Variants in HMGXB4 observed in about 807,000 individuals in gnomAD.
HMGXB4 encodes the protein HMG-box containing 4.
HMGXB4 carries 27 observed loss-of-function variants against 63.9 expected under a neutral mutation model. That is an observed-to-expected ratio of 0.42 (90% CI 0.31 to 0.58). HMGXB4 has a LOEUF of 0.58. Ranked by LOEUF, HMGXB4 falls within the 20% of genes least tolerant of loss-of-function variation. The pLI is 0.13. For missense variants in HMGXB4, 624 were observed against 700.7 expected (o/e 0.89, Z 1.24); for synonymous variants, 264 against 265.3 (o/e 0.99, Z 0.05).
At chr22:35,282,327 C>T (rs1363446072) in intron 5 of HMGXB4, among the ~76,000 whole-genome samples, 1 of 152,170 alleles carries the variant, frequency 6.6e-6, no homozygotes, top group Non-Finnish European at 1.5e-5. Context: ...CAGGCGCCCA[C>T]CACCATGCCC....
chr22:35,260,461 G>A (rs1235050784), intron 1 of HMGXB4, among the ~76,000 whole-genome samples: 1 of 152,216 alleles, frequency 6.6e-6, no homozygotes, highest in African/African-American at 2.4e-5. Flanking sequence ...GGTGGAAAGG[G>A]GAGGACAGTA....
In HMGXB4 at chr22:35,263,097, T is replaced by TA. The variant is rs1922965604; in HGVS notation, c.52dup (p.Thr18AsnfsTer3). 1 of 1,613,784 alleles carries TA rather than the reference T, an allele frequency of 6.2e-7. No homozygotes were observed. The highest frequency in any genetic ancestry group is 8.5e-7 in the Non-Finnish European group (1 of 1,179,928). ...TCTCAGATTGTTTTGATGGTGATCA[T>TA]ACCTTTGAGGACATAGGACTTGCAG... On this transcript the variant is annotated frameshift_variant, in exon 3 of 11. Coordinates refer to ENST00000216106, the MANE Select transcript of HMGXB4 (RefSeq NM_001003681.3). LOFTEE classifies it high-confidence loss of function.
At chr22:35,292,743 T>A (rs1019216185) in intron 9 of HMGXB4, among the ~76,000 whole-genome samples, 1 of 152,212 alleles carries the variant, frequency 6.6e-6, no homozygotes, top group African/African-American at 2.4e-5. Context: ...GTTAAGGATG[T>A]GAACTCCCCA....
At chr22:35,270,228 C>T (rs918402781) in intron 5 of HMGXB4, among the ~76,000 whole-genome samples, 1 of 152,150 alleles carries the variant, frequency 6.6e-6, no homozygotes, top group Non-Finnish European at 1.5e-5. Context: ...ACTGCCTGAG[C>T]TCCACCTCCT....
At chr22:35,283,418 G>A (rs2038010) in intron 5 of HMGXB4, among the ~76,000 whole-genome samples, 81,854 of 152,052 alleles carry the variant, frequency 0.54, 23,920 homozygotes, top group Non-Finnish European at 0.65. Flanking sequence ...GTCTTTACAA[G>A]TAATTTAGCA....
At position 35,261,351 on chromosome 22, in the gene HMGXB4, G is replaced by A. The variant is rs961569467; in HGVS notation, c.-68-972G>A. Among the ~76,000 whole-genome samples the A allele has an allele frequency of 4.6e-5, 7 of 151,060 alleles. No homozygotes were observed. The East Asian group carries it at 7.8e-4, about 17-fold the overall frequency. ...CTCGGGAGGCTGAGGCAGGAGAATC[G>A]CTTGAACCCGGGAGGCGGAGGTTGC... On this transcript the variant is annotated intron_variant, in intron 1 of 10. Transcript: ENST00000216106.
chr22:35,245,046 G>A, the HMGXB4 span, among the ~76,000 whole-genome samples: 1 of 152,080 alleles, frequency 6.6e-6, no homozygotes, highest in Non-Finnish European at 1.5e-5. Context: ...CTAACTTTTT[G>A]TATTTTTAGT....
chr22:35,244,139 C>T, the HMGXB4 span, among the ~76,000 whole-genome samples: 25 of 152,220 alleles, frequency 1.6e-4, no homozygotes, highest in East Asian at 4.6e-3. Context: ...TCTTCATATA[C>T]TTTTCCAGCC....
intron 1 of HMGXB4, among the ~76,000 whole-genome samples, chr22:35,259,056 T>A (rs979131976): frequency 6.6e-6 from 1 of 152,276 alleles, no homozygotes; most frequent in Non-Finnish European, 1.5e-5. Flanking sequence ...TTTTTCCTCC[T>A]GATTACTTTG....
chr22:35,273,773 A>G (rs934930804), intron 5 of HMGXB4, among the ~76,000 whole-genome samples: 1 of 152,210 alleles, frequency 6.6e-6, no homozygotes, highest in Non-Finnish European at 1.5e-5. Context: ...CTAAGGAGCA[A>G]AAGCAGATGT....
At chr22:35,264,069 A>G in intron 4 of HMGXB4, 195 bp downstream of exon 4, 1 of 1,542,878 alleles carries the variant, frequency 6.5e-7, no homozygotes, top group Non-Finnish European at 8.7e-7. Flanking sequence ...TCAGCATAGA[A>G]GAACAGTCTG....
At chr22:35,278,545 A>G (rs1200936270) in intron 5 of HMGXB4, among the ~76,000 whole-genome samples, 1 of 152,194 alleles carries the variant, frequency 6.6e-6, no homozygotes, top group Admixed American at 6.5e-5. Flanking sequence ...TGAAAGAATG[A>G]GTGACTGAAT....
At chr22:35,274,436 G>A (rs1395058940) in intron 5 of HMGXB4, among the ~76,000 whole-genome samples, 1 of 152,230 alleles carries the variant, frequency 6.6e-6, no homozygotes, top group Non-Finnish European at 1.5e-5. Context: ...GGAGAACTGA[G>A]TAGGAATTGG....
intron 5 of HMGXB4, among the ~76,000 whole-genome samples, chr22:35,270,271 G>A (rs1021574559): frequency 1.3e-5 from 2 of 152,110 alleles, no homozygotes; most frequent in Non-Finnish European, 2.9e-5. Flanking sequence ...ATTCTCATAG[G>A]AGCACAAACC....
chr22:35,271,080 C>T (rs1184436462), intron 5 of HMGXB4, among the ~76,000 whole-genome samples: 1 of 151,726 alleles, frequency 6.6e-6, no homozygotes, highest in African/African-American at 2.4e-5. Flanking sequence ...GGTGATACAG[C>T]AAGACTCTAC....
Position 35,284,015 on chromosome 22 carries a change from G to T in HMGXB4, c.1269G>T (p.Val423=), listed in dbSNP as rs1437894763. The part of the protein sequence containing the change: ...AYQVFCKEYR[V]TIVADHPGID... ...AGGTGTTCTGTAAAGAGTATCGCGT[G>T]ACCATTGTGGCTGACCATCCAGGTA... is the stretch of plus-strand genomic sequence containing the variant. Residue 423 remains valine, a synonymous_variant, in exon 6 of 11, where the codon GTG becomes GTT. Transcript: ENST00000216106. 35 of 1,613,946 alleles carry T rather than the reference G, an allele frequency of 2.2e-5. No homozygotes were observed. The highest frequency in any genetic ancestry group is 3.0e-5 in the Non-Finnish European group (35 of 1,179,914).
chr22:35,293,562 C>G, intron 10 of HMGXB4, 45 bp from the exon 11 acceptor site: 2 of 1,362,552 alleles, frequency 1.5e-6, no homozygotes, highest in Non-Finnish European at 2.1e-6. Flanking sequence ...CTCAGGAAAC[C>G]AAGGTACAGT....
chr22:35,243,374 GAAAAT>G, the HMGXB4 span, among the ~76,000 whole-genome samples: 1 of 151,954 alleles, frequency 6.6e-6, no homozygotes. Context: ...CAGTCTAAAA[GAAAAT>G]AAAAAAGAAA....
At chr22:35,254,206 T>G (rs1272864048), upstream of HMGXB4, among the ~76,000 whole-genome samples, 2 of 152,176 alleles carry the variant, frequency 1.3e-5, no homozygotes, top group Non-Finnish European at 2.9e-5. Flanking sequence ...GCCCCACACT[T>G]AGGGAGTGCC....
Sources: gnomAD v4.1 joint callset for allele counts (sites outside exome capture counted in the v4.1 genomes callset) on GRCh38, gnomAD v4.1.1 for gene constraint, MANE v1.5 for transcripts, NCBI Gene and HGNC (gene_info 2026-07-23, HGNC 2026-07-21) for gene names.